Variants in TBXAS1 observed in about 807,000 individuals in gnomAD.
TBXAS1 encodes thromboxane-A synthase.
A neutral mutation model predicts 60.7 loss-of-function variants in TBXAS1; 48 were observed. The observed-to-expected ratio is 0.79, with a 90% CI of 0.63 to 1.01. The LOEUF (loss-of-function observed/expected upper bound fraction) is 1.01. Ranked by LOEUF, TBXAS1 falls within the 50% of genes least tolerant of loss-of-function variation. TBXAS1 has a pLI of 0.00. For missense variants in TBXAS1, 685 were observed against 686.3 expected, an observed-to-expected ratio of 1.00 and a Z score of 0.02; for synonymous variants, 287 against 269.7, an observed-to-expected ratio of 1.06 and a Z score of -0.63.
At chr7:139,890,589 G>A (rs1484352427) in intron 3 of TBXAS1, among the ~76,000 whole-genome samples, 2 of 152,144 alleles carry the variant, frequency 1.3e-5, no homozygotes, top group Non-Finnish European at 2.9e-5. Context: ...ATGGAGAACA[G>A]GCTTTGAGAG....
chr7:139,941,350 G>C (rs1808275376), intron 5 of TBXAS1, among the ~76,000 whole-genome samples: 1 of 152,224 alleles, frequency 6.6e-6, no homozygotes, highest in Middle Eastern at 3.4e-3. Flanking sequence ...GCGGATATTA[G>C]GTTGCCTCAG....
intron 1 of TBXAS1, among the ~76,000 whole-genome samples, chr7:139,851,427 T>C (rs987929521): frequency 1.3e-5 from 2 of 152,264 alleles, no homozygotes; most frequent in Non-Finnish European, 2.9e-5. Flanking sequence ...GCCTGACCCA[T>C]AGCAAGTGCT....
intron 3 of TBXAS1, among the ~76,000 whole-genome samples, chr7:139,904,202 T>C (rs1584812208): frequency 6.6e-6 from 1 of 152,018 alleles, no homozygotes. Flanking sequence ...ATTGAAAGGG[T>C]GTCCTTTCCC....
At chr7:139,911,964 C>A (rs2117052690) in intron 4 of TBXAS1, among the ~76,000 whole-genome samples, 1 of 152,336 alleles carries the variant, frequency 6.6e-6, no homozygotes, top group South Asian at 2.1e-4. Flanking sequence ...GGCACAGTGG[C>A]TCATACCTGT....
intron 5 of TBXAS1, among the ~76,000 whole-genome samples, chr7:139,938,448 T>G (rs918275493): frequency 1.3e-5 from 2 of 152,130 alleles, no homozygotes; most frequent in African/African-American, 4.8e-5. Flanking sequence ...CACAAGGACA[T>G]GAGAGGAAAG....
At chr7:139,822,037 A>C (rs2116444952) in intron 4 of TBXAS1, among the ~76,000 whole-genome samples, 1 of 152,218 alleles carries the variant, frequency 6.6e-6, no homozygotes, top group South Asian at 2.1e-4. Context: ...CGAGGAATTC[A>C]TTTTCCTCTC....
chr7:139,879,298 G>T (rs1352273150), intron 3 of TBXAS1, among the ~76,000 whole-genome samples: 1 of 152,186 alleles, frequency 6.6e-6, no homozygotes, highest in African/African-American at 2.4e-5. Context: ...ACTACACACG[G>T]TGTCTCTGCC....
chr7:139,986,755 A>ATGTG (rs72102720), intron 9 of TBXAS1, among the ~76,000 whole-genome samples: 9 of 79,736 alleles, frequency 1.1e-4, no homozygotes, highest in African/African-American at 2.1e-4. Context: ...ATATATATAT[A>ATGTG]TGTGTGTGTG....
intron 2 of TBXAS1, among the ~76,000 whole-genome samples, chr7:139,873,129 C>T (rs975987051): frequency 3.9e-5 from 6 of 152,158 alleles, no homozygotes; most frequent in African/African-American, 1.4e-4. Flanking sequence ...GGCCTGTGGA[C>T]ATAGAGACGA....
chr7:139,914,817 G>GATT (rs1359834898), intron 4 of TBXAS1, among the ~76,000 whole-genome samples: 2 of 152,118 alleles, frequency 1.3e-5, no homozygotes, highest in African/African-American at 4.8e-5. Context: ...ACTCTAGCTT[G>GATT]ATTATTAGCT....
upstream of TBXAS1, among the ~76,000 whole-genome samples, chr7:139,824,806 T>C (rs1585559252): frequency 7.4e-6 from 1 of 135,592 alleles, no homozygotes; most frequent in African/African-American, 3.0e-5. Flanking sequence ...ATTTTTTCTT[T>C]TCTTTCTTTT....
intron 4 of TBXAS1, chr7:139,789,771 C>G (rs1797319558): frequency 6.6e-6 from 1 of 152,030 alleles, no homozygotes; most frequent in Non-Finnish European, 1.5e-5. Context: ...GCTGGGATCA[C>G]AGGTGCCTGC....
chr7:139,944,446 A>G (rs893662194), intron 5 of TBXAS1, among the ~76,000 whole-genome samples: 2 of 152,222 alleles, frequency 1.3e-5, no homozygotes, highest in Non-Finnish European at 2.9e-5. Flanking sequence ...TGCACACTTC[A>G]CTAGAGCTCG....
At chr7:139,853,689 G>A (rs1033668504) in intron 1 of TBXAS1, among the ~76,000 whole-genome samples, 9 of 152,242 alleles carry the variant, frequency 5.9e-5, no homozygotes, top group African/African-American at 1.7e-4. Flanking sequence ...GGGGTTCACC[G>A]GAGGCAGATG....
chr7:139,782,126 G>A (rs1306049771), intron 2 of TBXAS1, among the ~76,000 whole-genome samples: 1 of 151,720 alleles, frequency 6.6e-6, no homozygotes, highest in Non-Finnish European at 1.5e-5. Context: ...GAGATAGTGT[G>A]CATTGTATTT....
chr7:139,886,379 C>G (rs1803103510), intron 3 of TBXAS1, among the ~76,000 whole-genome samples: 1 of 147,348 alleles, frequency 6.8e-6, no homozygotes, highest in African/African-American at 2.5e-5. Flanking sequence ...GCACTCTTTG[C>G]AGATGAATTT....
chr7:139,964,089 TTTA>T (rs1462487477), intron 9 of TBXAS1, among the ~76,000 whole-genome samples: 1 of 152,070 alleles, frequency 6.6e-6, no homozygotes, highest in Non-Finnish European at 1.5e-5. Context: ...CCCATTCTTT[TTTA>T]TTTTTTTTTT....
chr7:139,929,997 C>T (rs946390068), intron 4 of TBXAS1, among the ~76,000 whole-genome samples: 1 of 152,166 alleles, frequency 6.6e-6, no homozygotes, highest in Admixed American at 6.5e-5. Flanking sequence ...GAGTACAAAT[C>T]CTACCAAGAT....
intron 4 of TBXAS1, among the ~76,000 whole-genome samples, chr7:139,923,176 A>ATATATATAT (rs1554490812): frequency 1.3e-5 from 2 of 152,008 alleles, no homozygotes; most frequent in African/African-American, 4.8e-5. Flanking sequence ...ATATATATAT[A>ATATATATAT]ATTAGCCAGG....
Sources: allele counts gnomAD v4.1 joint callset (sites outside exome capture counted in the v4.1 genomes callset), GRCh38; gene constraint gnomAD v4.1.1; transcripts MANE v1.5; gene names NCBI Gene and HGNC (gene_info 2026-07-23, HGNC 2026-07-21).